UBQLN1: variants seen among roughly 807,000 people sequenced by gnomAD.
UBQLN1 encodes ubiquilin-1.
In UBQLN1, 13 loss-of-function variants were observed where a neutral mutation model predicts 65.4. The observed-to-expected ratio is 0.20, with a 90% CI of 0.13 to 0.32. The LOEUF is 0.32. Ranked by LOEUF, UBQLN1 falls within the 10% of genes least tolerant of loss-of-function variation. The pLI, the probability that UBQLN1 is intolerant of heterozygous loss-of-function variation, is 1.00. For missense variants in UBQLN1, 561 were observed against 724.0 expected (o/e 0.77, Z 2.58); for synonymous variants, 267 against 247.8 (o/e 1.08, Z -0.73).
intron 6 of UBQLN1, 88 bp from the exon 7 acceptor site, chr9:83,669,415 A>C (rs1284616777): frequency 2.4e-6 from 3 of 1,246,492 alleles, no homozygotes; most frequent in Non-Finnish European, 3.3e-6. Context: ...ACTGTGTTTA[A>C]TTTCACCAAG....
chr9:83,667,486 C>CA, intron 7 of UBQLN1: 1 of 985,228 alleles, frequency 1.0e-6, no homozygotes, highest in Non-Finnish European at 1.2e-6. Flanking sequence ...AATACAATAA[C>CA]AAAAGCAGAT....
intron 6 of UBQLN1, among the ~76,000 whole-genome samples, chr9:83,672,936 C>T (rs1416468679): frequency 1.3e-5 from 2 of 152,202 alleles, no homozygotes; most frequent in African/African-American, 4.8e-5. Flanking sequence ...TTAAAAATTG[C>T]TTTTATGTTT....
At chr9:83,685,917 A>C (rs1358455148) in intron 2 of UBQLN1, 87 bp downstream of exon 2, 94 of 1,185,262 alleles carry the variant, frequency 7.9e-5, no homozygotes, top group Non-Finnish European at 4.6e-5. Flanking sequence ...AATGACAGGG[A>C]AAGTAATTTA....
chr9:83,672,884 G>A (rs1481742311), intron 6 of UBQLN1, among the ~76,000 whole-genome samples: 3 of 152,220 alleles, frequency 2.0e-5, no homozygotes, highest in Non-Finnish European at 2.9e-5. Flanking sequence ...ACAGCCTGCA[G>A]GACAAATCTG....
At chr9:83,670,703 A>C (rs1377974077) in intron 6 of UBQLN1, among the ~76,000 whole-genome samples, 3 of 152,226 alleles carry the variant, frequency 2.0e-5, no homozygotes, top group Admixed American at 1.3e-4. Context: ...GTTGCACTCT[A>C]TGCTGTTTGA....
At chr9:83,666,522 C>T in intron 7 of UBQLN1, 89 bp from the exon 8 acceptor site, 1 of 1,262,178 alleles carries the variant, frequency 7.9e-7, no homozygotes. Context: ...CCAAGTGCCT[C>T]AGCTGGCACT....
At chr9:83,664,503 A>G (rs1204047476) in intron 9 of UBQLN1, among the ~76,000 whole-genome samples, 2 of 152,124 alleles carry the variant, frequency 1.3e-5, no homozygotes, top group African/African-American at 4.8e-5. Context: ...CTGTGTCCCA[A>G]CTACTGGGGA....
At chr9:83,696,669 G>A (rs1832221298) in intron 1 of UBQLN1, among the ~76,000 whole-genome samples, 1 of 151,558 alleles carries the variant, frequency 6.6e-6, no homozygotes, top group Non-Finnish European at 1.5e-5. Context: ...TCCCAACTAG[G>A]TACAAAATAT....
intron 8 of UBQLN1, among the ~76,000 whole-genome samples, chr9:83,665,858 T>C (rs1831635599): frequency 6.6e-6 from 1 of 152,204 alleles, no homozygotes; most frequent in South Asian, 2.1e-4. Flanking sequence ...CCTTCCTTAC[T>C]TCCTTATATG....
intron 3 of UBQLN1, among the ~76,000 whole-genome samples, chr9:83,680,810 A>T (rs1831928019): frequency 6.6e-6 from 1 of 152,224 alleles, no homozygotes; most frequent in Non-Finnish European, 1.5e-5. Context: ...CCCCCAACTT[A>T]GAGCTGGTCA....
rs540531755 is a variant in UBQLN1 at position 83,686,594 on chromosome 9, T to C, written c.181-439A>G. 2.6e-5 allele frequency among the ~76,000 whole-genome samples: 4 copies of C among 152,342 alleles called. No homozygotes were observed. In the South Asian group the frequency reaches 8.3e-4, roughly 32 times the overall value. The stretch of plus-strand genomic sequence containing the variant: ...CTTCCCAATATCCTTATTCTTTTTA[T>C]GTTAATGAGACCAAATTTAGTTCGA... On this transcript the variant is annotated intron_variant, in intron 1 of 10. Coordinates refer to ENST00000376395, the MANE Select transcript of UBQLN1 (RefSeq NM_013438.5).
chr9:83,693,940 G>C (rs531014559), intron 1 of UBQLN1, among the ~76,000 whole-genome samples: 49 of 152,246 alleles, frequency 3.2e-4, no homozygotes, highest in Middle Eastern at 3.4e-3. Flanking sequence ...AGAGACATAC[G>C]GAAATTTCCT....
intron 6 of UBQLN1, among the ~76,000 whole-genome samples, chr9:83,675,210 A>C (rs1831810956): frequency 6.6e-6 from 1 of 152,210 alleles, no homozygotes. Flanking sequence ...GTTTCATTGC[A>C]TTATTTTATT....
intron 1 of UBQLN1, among the ~76,000 whole-genome samples, chr9:83,704,003 T>C (rs563404890): frequency 2.0e-5 from 3 of 152,324 alleles, no homozygotes; most frequent in South Asian, 2.1e-4. Flanking sequence ...GGAATCTACA[T>C]TACATAGAAA....
At chr9:83,680,094 A>T in intron 3 of UBQLN1, 57 bp from the exon 4 acceptor site, 10 of 1,526,768 alleles carry the variant, frequency 6.5e-6, no homozygotes, top group Non-Finnish European at 8.8e-6. Flanking sequence ...TATCATTAAC[A>T]TGACATAAAA....
At chr9:83,671,716 C>T (rs1831735023) in intron 6 of UBQLN1, among the ~76,000 whole-genome samples, 1 of 151,812 alleles carries the variant, frequency 6.6e-6, no homozygotes, top group Non-Finnish European at 1.5e-5. Context: ...CAGAATAGAT[C>T]TAGCATAATT....
intron 1 of UBQLN1, among the ~76,000 whole-genome samples, chr9:83,690,862 G>A (rs1013943667): frequency 6.6e-6 from 1 of 152,180 alleles, no homozygotes; most frequent in African/African-American, 2.4e-5. Flanking sequence ...ATGGGAGCGG[G>A]CGCAGTGGCT....
intron 1 of UBQLN1, among the ~76,000 whole-genome samples, chr9:83,698,689 A>G (rs1832261689): frequency 6.6e-6 from 1 of 152,100 alleles, no homozygotes; most frequent in Non-Finnish European, 1.5e-5. Context: ...CCAAGGGGGC[A>G]GATCGCTTGA....
rs988783085 is a variant in UBQLN1 at position 83,697,315 on chromosome 9, G to A, written c.180+10185C>T. On this transcript the variant is annotated intron_variant, in intron 1 of 10. Transcript: ENST00000376395. ...CGCCTGTAATTCCAGCACTTTGGGA[G>A]GCAAAGGCAGGCGAATCATGAGGTC... is the stretch of plus-strand genomic sequence containing the variant. Among the ~76,000 whole-genome samples the A allele has an allele frequency of 2.0e-5, 3 of 150,792 alleles. 1 individual carries two copies. The highest frequency in any genetic ancestry group is 6.8e-3 in the Middle Eastern group (2 of 292).
Sources: gnomAD v4.1 joint callset for allele counts (sites outside exome capture counted in the v4.1 genomes callset) on GRCh38, gnomAD v4.1.1 for gene constraint, MANE v1.5 for transcripts, NCBI Gene and HGNC (gene_info 2026-07-23, HGNC 2026-07-21) for gene names.